The following SLIT2 variants were observed in gnomAD, a reference collection of about 807,000 sequenced individuals.
The protein encoded by SLIT2 is slit guidance ligand 2.
SLIT2 carries 41 observed loss-of-function variants against 185.7 expected under a neutral mutation model. The ratio of observed to expected loss-of-function variants is 0.22; its 90% CI spans 0.17 to 0.29. SLIT2 has a LOEUF of 0.29. Among genes scored for constraint, SLIT2 ranks in the 10% least tolerant of loss-of-function variants. SLIT2 has a pLI of 1.00. For synonymous variants in SLIT2, 693 were observed against 680.2 expected (o/e 1.02, Z -0.29); for missense variants, 1,571 against 1,909.0 (o/e 0.82, Z 3.30).
At chr4:20,276,293 C>T (rs771009567) in intron 4 of SLIT2, among the ~76,000 whole-genome samples, 3 of 152,106 alleles carry the variant, frequency 2.0e-5, no homozygotes, top group Non-Finnish European at 2.9e-5. Flanking sequence ...TATATCCACT[C>T]ATTACATGTT....
chr4:20,537,910 G>A (rs1427082698), intron 18 of SLIT2, among the ~76,000 whole-genome samples: 1 of 152,020 alleles, frequency 6.6e-6, no homozygotes, highest in African/African-American at 2.4e-5. Flanking sequence ...TGTGCTTATG[G>A]ATTTTTCTAG....
chr4:20,427,337 T>A (rs965125944), intron 4 of SLIT2, among the ~76,000 whole-genome samples: 15 of 152,218 alleles, frequency 9.9e-5, no homozygotes, highest in Admixed American at 6.5e-5. Flanking sequence ...TTAATGTACA[T>A]ATACATGTCC....
At chr4:20,487,089 T>A (rs1346055775) in intron 7 of SLIT2, among the ~76,000 whole-genome samples, 2 of 152,154 alleles carry the variant, frequency 1.3e-5, no homozygotes, top group African/African-American at 4.8e-5. Flanking sequence ...CTGGAAAATA[T>A]TAATTTTATT....
At chr4:20,514,036 A>G (rs1290191624) in intron 11 of SLIT2, among the ~76,000 whole-genome samples, 1 of 152,194 alleles carries the variant, frequency 6.6e-6, no homozygotes, top group Non-Finnish European at 1.5e-5. Flanking sequence ...AGTGAAAGCT[A>G]GATTTGCAGA....
At chr4:20,372,139 A>G (rs955757628) in intron 4 of SLIT2, among the ~76,000 whole-genome samples, 1 of 152,192 alleles carries the variant, frequency 6.6e-6, no homozygotes, top group Non-Finnish European at 1.5e-5. Flanking sequence ...GGTACGACAC[A>G]TTATGCCAGT....
At chr4:20,401,842 G>C (rs2109400520) in intron 4 of SLIT2, among the ~76,000 whole-genome samples, 1 of 151,930 alleles carries the variant, frequency 6.6e-6, no homozygotes, top group Admixed American at 6.6e-5. Flanking sequence ...TTTACGCAGT[G>C]CCTACAGCAT....
At chr4:20,285,192 G>A (rs1480285434) in intron 4 of SLIT2, among the ~76,000 whole-genome samples, 1 of 152,210 alleles carries the variant, frequency 6.6e-6, no homozygotes, top group Non-Finnish European at 1.5e-5. Context: ...GGGAAATGCA[G>A]AACTGTATCA....
intron 7 of SLIT2, 112 bp from the exon 8 acceptor site, chr4:20,488,707 A>T: frequency 1.4e-6 from 1 of 705,120 alleles, no homozygotes; most frequent in Non-Finnish European, 2.2e-6. Context: ...AAAAATAATT[A>T]TATTGGAATC....
chr4:20,608,639 A>G (rs761318828), intron 33 of SLIT2, among the ~76,000 whole-genome samples: 3 of 152,162 alleles, frequency 2.0e-5, no homozygotes, highest in African/African-American at 4.8e-5. Context: ...TGTTTTCACA[A>G]TTCTGCAGAG....
intron 4 of SLIT2, among the ~76,000 whole-genome samples, chr4:20,289,492 A>T (rs1577374773): frequency 6.6e-6 from 1 of 152,148 alleles, no homozygotes; most frequent in African/African-American, 2.4e-5. Context: ...ATGAATCCAC[A>T]TGGGTGCCTT....
chr4:20,584,404 C>A (rs1315058378), intron 29 of SLIT2, among the ~76,000 whole-genome samples: 5 of 152,226 alleles, frequency 3.3e-5, no homozygotes. Flanking sequence ...TTTTACTGTT[C>A]CACCTAGAAG....
intron 4 of SLIT2, among the ~76,000 whole-genome samples, chr4:20,289,230 G>C (rs1715574191): frequency 1.3e-5 from 2 of 152,158 alleles, no homozygotes; most frequent in Non-Finnish European, 2.9e-5. Context: ...TTTAATTTTT[G>C]TGAATAAAAT....
chr4:20,476,384 T>C (rs1330215312), intron 5 of SLIT2, among the ~76,000 whole-genome samples: 1 of 152,142 alleles, frequency 6.6e-6, no homozygotes, highest in African/African-American at 2.4e-5. Flanking sequence ...GCCATTTCGA[T>C]GTGTCTTAAG....
chr4:20,518,557 GTATATATATATATATATA>G (rs1159322360), intron 11 of SLIT2, among the ~76,000 whole-genome samples: 19 of 17,862 alleles, frequency 1.1e-3, no homozygotes, highest in Non-Finnish European at 1.7e-3. Flanking sequence ...CAGCCTATAT[GTATATATATATATATATA>G]TATATATATA....
At chr4:20,452,326 T>A (rs1461447283) in intron 4 of SLIT2, among the ~76,000 whole-genome samples, 1 of 152,200 alleles carries the variant, frequency 6.6e-6, no homozygotes, top group Non-Finnish European at 1.5e-5. Flanking sequence ...TTCCATTTCC[T>A]CGTCTGTGTG....
chr4:20,596,970 A>AGGCTTTTCTTAGGAAAAGC (rs1728030503), intron 32 of SLIT2, among the ~76,000 whole-genome samples: 2 of 151,830 alleles, frequency 1.3e-5, no homozygotes, highest in African/African-American at 4.8e-5. Context: ...CAGCCTCTGC[A>AGGCTTTTCTTAGGAAAAGC]TGGGGGAGGC....
At chr4:20,266,528 A>G (rs752982629) in intron 3 of SLIT2, among the ~76,000 whole-genome samples, 1 of 152,004 alleles carries the variant, frequency 6.6e-6, no homozygotes. Context: ...CCTTGCTGAA[A>G]TATATCAAAA....
chr4:20,426,666 G>A (rs1002413874), intron 4 of SLIT2, among the ~76,000 whole-genome samples: 5 of 152,080 alleles, frequency 3.3e-5, no homozygotes, highest in African/African-American at 1.2e-4. Context: ...ACCTTAAACC[G>A]TAACTTAAGA....
At chr4:20,354,914 A>T (rs201670398) in intron 4 of SLIT2, among the ~76,000 whole-genome samples, 2,158 of 140,244 alleles carry the variant, frequency 0.015, 74 homozygotes, top group Admixed American at 0.068. Context: ...TGTGAGAGAG[A>T]GAGAGAGAGA....
Sources: allele counts gnomAD v4.1 joint callset (sites outside exome capture counted in the v4.1 genomes callset), GRCh38; gene constraint gnomAD v4.1.1; transcripts MANE v1.5; gene names NCBI Gene and HGNC (gene_info 2026-07-23, HGNC 2026-07-21).